LUC7L2: variants seen among roughly 807,000 people sequenced by gnomAD.
LUC7L2 encodes LUC7 like 2, pre-mRNA splicing factor.
A neutral mutation model predicts 52.8 loss-of-function variants in LUC7L2; 25 were observed. That is an observed-to-expected ratio of 0.47 (90% CI 0.34 to 0.66). The LOEUF is 0.66. LUC7L2 is among the 30% of genes least tolerant of loss of function. The probability of loss-of-function intolerance (pLI) is 0.01; values close to 1 mark genes in which losing one functional copy is unlikely to be tolerated. For missense variants in LUC7L2, 328 were observed against 497.8 expected (o/e 0.66, Z 3.25); for synonymous variants, 144 against 160.9 (o/e 0.89, Z 0.80).
chr7:139,406,513 C>T (rs183200521), intron 5 of LUC7L2, among the ~76,000 whole-genome samples: 7 of 151,884 alleles, frequency 4.6e-5, no homozygotes, highest in African/African-American at 7.2e-5. Context: ...CCACCATGCC[C>T]GGCTAATTTT....
At chr7:139,370,032 CTT>C (rs1423120639) in intron 1 of LUC7L2, among the ~76,000 whole-genome samples, 1 of 152,204 alleles carries the variant, frequency 6.6e-6, no homozygotes, top group African/African-American at 2.4e-5. Context: ...GCATAGTACT[CTT>C]TCTTCCCTTT....
intron 8 of LUC7L2, chr7:139,416,379 AC>A (rs1424767693): frequency 2.6e-5 from 4 of 151,584 alleles, no homozygotes; most frequent in Non-Finnish European, 5.9e-5. Context: ...TTTTGCCAGC[AC>A]CTTGATCGTA....
intron 4 of LUC7L2, 91 bp downstream of exon 4, chr7:139,402,338 A>ATCTC: frequency 3.2e-6 from 4 of 1,255,676 alleles, no homozygotes; most frequent in Non-Finnish European, 4.2e-6. Context: ...TTTGCAAGAG[A>ATCTC]TTGCAAAGAC....
chr7:139,354,133 A>G (rs1799540882), intron 1 of LUC7L2, among the ~76,000 whole-genome samples: 1 of 152,154 alleles, frequency 6.6e-6, no homozygotes, highest in Non-Finnish European at 1.5e-5. Flanking sequence ...AATTGAAAAA[A>G]TTTACAAACA....
chr7:139,383,430 A>T (rs1343523433), intron 2 of LUC7L2, among the ~76,000 whole-genome samples: 1 of 145,854 alleles, frequency 6.9e-6, no homozygotes, highest in East Asian at 2.1e-4. Flanking sequence ...TTATTTTTTG[A>T]GATGGAGTTT....
chr7:139,376,535 C>T (rs1800721605), intron 2 of LUC7L2, among the ~76,000 whole-genome samples: 1 of 152,048 alleles, frequency 6.6e-6, no homozygotes, highest in African/African-American at 2.4e-5. Flanking sequence ...AAGATTTGTA[C>T]ACATTTGTGG....
upstream of LUC7L2, among the ~76,000 whole-genome samples, chr7:139,357,942 G>C (rs1210451675): frequency 1.3e-5 from 2 of 148,196 alleles, no homozygotes; most frequent in Non-Finnish European, 3.0e-5. Flanking sequence ...CGCCCGCCTC[G>C]GCCTCCCAAA....
At chr7:139,340,686 C>T (rs191293826) in intron 1 of LUC7L2, 190 of 393,018 alleles carry the variant, frequency 4.8e-4, no homozygotes, top group East Asian at 3.7e-3. Context: ...TGTGTGAGCG[C>T]GTCGTTTGCA....
At chr7:139,359,711 G>C (rs368376847), upstream of LUC7L2, 30 of 398,598 alleles carry the variant, frequency 7.5e-5, no homozygotes, top group African/African-American at 6.2e-4. Context: ...GATCCGGCTT[G>C]CACAGTCAGT....
chr7:139,390,953 A>T (rs575258435), intron 2 of LUC7L2, among the ~76,000 whole-genome samples: 8 of 152,214 alleles, frequency 5.3e-5, no homozygotes, highest in Non-Finnish European at 1.5e-5. Context: ...CCTTGTCAAC[A>T]ATTTAGTGTA....
At chr7:139,371,334 A>G in intron 1 of LUC7L2, 1 of 740,434 alleles carries the variant, frequency 1.4e-6, no homozygotes, top group East Asian at 2.7e-5. Flanking sequence ...AATATTACAA[A>G]CTTTAAGGTT....
chr7:139,351,301 C>G (rs998447588), intron 1 of LUC7L2, among the ~76,000 whole-genome samples: 2 of 152,198 alleles, frequency 1.3e-5, no homozygotes, highest in Non-Finnish European at 2.9e-5. Flanking sequence ...CTGGTATTCC[C>G]TATCAGTTCA....
rs898862161 is a variant in LUC7L2 at position 139,423,443 on chromosome 7, A to G, written c.*1103A>G. 1.8e-5 allele frequency: 7 copies of G among 398,802 alleles called. No homozygotes were observed. The South Asian group carries it at 5.1e-4, about 29-fold the overall frequency. The allele number at this position is 398,802 out of a possible 1,614,324, so 24.7% of individuals were successfully genotyped here. ...TTCAACAAACCCAAATAAAAACAGTATATGTAACCAACATAATGAGACTTA... is the reference window on the plus strand; with the variant it reads ...TTCAACAAACCCAAATAAAAACAGTGTATGTAACCAACATAATGAGACTTA... On this transcript the variant is annotated 3_prime_UTR_variant, in exon 10 of 10. Coordinates refer to ENST00000354926, the MANE Select transcript of LUC7L2 (RefSeq NM_016019.5).
chr7:139,362,287 C>G (rs769079900), intron 1 of LUC7L2, among the ~76,000 whole-genome samples: 2 of 151,846 alleles, frequency 1.3e-5, no homozygotes, highest in East Asian at 3.9e-4. Flanking sequence ...AAAATTAATT[C>G]TATATATGCA....
At chr7:139,359,862 G>GA (rs1473320284), upstream of LUC7L2, 7 of 408,248 alleles carry the variant, frequency 1.7e-5, no homozygotes, top group Admixed American at 3.1e-4. Flanking sequence ...TGGAGCCCCC[G>GA]CGGGAAACGA....
At chr7:139,344,685 A>G (rs993463898) in intron 1 of LUC7L2, among the ~76,000 whole-genome samples, 11 of 144,026 alleles carry the variant, frequency 7.6e-5, no homozygotes, top group Admixed American at 4.1e-4. Flanking sequence ...AAAAGTTTTC[A>G]ATTTTCTTTC....
chr7:139,423,122 AT>A lies in LUC7L2; in HGVS notation c.*783del, dbSNP rs144910314. The A allele has an allele frequency of 1.1e-3, 420 of 398,336 alleles. 1 individual carries two copies. The highest frequency in any genetic ancestry group is 1.9e-3 in the Middle Eastern group (3 of 1,584). The allele number at this position is 398,336 out of a possible 1,614,324, so 24.7% of individuals were successfully genotyped here. On this transcript the variant is annotated 3_prime_UTR_variant, in exon 10 of 10. Coordinates refer to ENST00000354926, the MANE Select transcript of LUC7L2 (RefSeq NM_016019.5). Reference sequence around the variant, plus strand: ...AAGGCTACACCCTTATTGTAAAAAAATAATAATAATAAAATGAAAGAAACAA... The same window carrying A: ...AAGGCTACACCCTTATTGTAAAAAAAAATAATAATAAAATGAAAGAAACAA...
At chr7:139,412,780 G>C in intron 8 of LUC7L2, 200 bp downstream of exon 8, 1 of 286,552 alleles carries the variant, frequency 3.5e-6, no homozygotes, top group Non-Finnish European at 6.2e-6. Context: ...AGCCAAGATA[G>C]CACCACTGCA....
chr7:139,357,384 AGACT>A (rs1799636852), upstream of LUC7L2, among the ~76,000 whole-genome samples: 1 of 152,184 alleles, frequency 6.6e-6, no homozygotes. Context: ...TGTATTGTAT[AGACT>A]ATTTTTAAGC....
Sources: gnomAD v4.1 joint callset for allele counts (sites outside exome capture counted in the v4.1 genomes callset) on GRCh38, gnomAD v4.1.1 for gene constraint, MANE v1.5 for transcripts, NCBI Gene and HGNC (gene_info 2026-07-23, HGNC 2026-07-21) for gene names.